The following CPNE5 variants were observed in gnomAD, a reference collection of about 807,000 sequenced individuals.
The protein encoded by CPNE5 is copine 5.
A neutral mutation model predicts 81.1 loss-of-function variants in CPNE5; 42 were observed. The ratio of observed to expected loss-of-function variants is 0.52; its 90% CI spans 0.40 to 0.67. The LOEUF (loss-of-function observed/expected upper bound fraction) is 0.67, where lower values mean the gene tolerates loss of function less well. CPNE5 is among the 30% of genes least tolerant of loss of function. CPNE5 has a pLI of 0.00. For synonymous variants in CPNE5, 313 were observed against 321.5 expected (o/e 0.97, Z 0.28); for missense variants, 612 against 815.5 (o/e 0.75, Z 3.04).
chr6:36,783,369 C>T (rs986690960), intron 8 of CPNE5, among the ~76,000 whole-genome samples: 2 of 94,920 alleles, frequency 2.1e-5, no homozygotes, highest in Admixed American at 2.9e-4. Flanking sequence ...CCTGAACTTG[C>T]AGTAAAAGTA....
At chr6:36,765,471 G>A (rs1371913550) in intron 10 of CPNE5, 95 bp from the exon 11 acceptor site, 1 of 1,444,082 alleles carries the variant, frequency 6.9e-7, no homozygotes, top group Admixed American at 1.8e-5. Context: ...AGATAGGGAG[G>A]CCAGGACTCC....
rs974054462 is a variant in CPNE5, at chr6:36,766,440, A to C, written c.738-1064T>G. 1.3e-5 allele frequency among the ~76,000 whole-genome samples: 2 copies of C among 152,234 alleles called. No homozygotes were observed. Among genetic ancestry groups the C allele is most frequent in the African/African-American group, 4.8e-5 (2 of 41,460 alleles). ...TGAAGGAATGCCCAGTAGGTTGTGC[A>C]CACACTGGATTTCTGTAAACCAGCA... is the stretch of plus-strand genomic sequence containing the variant. On this transcript the variant is annotated intron_variant, in intron 10 of 20. Coordinates refer to ENST00000244751, the MANE Select transcript of CPNE5 (RefSeq NM_020939.2). The surrounding 1 kb of genome is among the most constrained non-coding windows in gnomAD (Gnocchi z 4.2).
chr6:36,786,632 A>G (rs1429986703), intron 8 of CPNE5, among the ~76,000 whole-genome samples: 1 of 152,214 alleles, frequency 6.6e-6, no homozygotes, highest in East Asian at 1.9e-4. Context: ...TATTATTTAT[A>G]TTGTTTCCTA....
chr6:36,834,809 T>C (rs571156668), intron 1 of CPNE5, among the ~76,000 whole-genome samples: 154 of 152,270 alleles, frequency 1.0e-3, no homozygotes, highest in Non-Finnish European at 1.9e-3. Flanking sequence ...AATGGTTAAA[T>C]GGACTTCTTT....
rs553663575 is a variant in CPNE5, at chr6:36,773,927, G to A, written c.737+1034C>T. On this transcript the variant is annotated intron_variant, in intron 10 of 20. Transcript: ENST00000244751. Reference sequence around the variant, plus strand: ...CAAAAACACAAAAAATTAGCCGGGCGTGGTGGTGCATGGTTGTGGTACCAG... The same window carrying A: ...CAAAAACACAAAAAATTAGCCGGGCATGGTGGTGCATGGTTGTGGTACCAG... 3.9e-5 allele frequency among the ~76,000 whole-genome samples: 6 copies of A among 152,206 alleles called. No individual in the cohort carries two copies. In the East Asian group the frequency reaches 5.8e-4, roughly 15 times the overall value.
intron 15 of CPNE5, among the ~76,000 whole-genome samples, chr6:36,747,811 C>T (rs1764348316): frequency 6.6e-6 from 1 of 152,214 alleles, no homozygotes; most frequent in Non-Finnish European, 1.5e-5. Flanking sequence ...GACTGGGGTC[C>T]CTGGGCTGGA....
intron 12 of CPNE5, among the ~76,000 whole-genome samples, chr6:36,759,990 T>C (rs1037011760): frequency 6.6e-6 from 1 of 150,762 alleles, no homozygotes. Flanking sequence ...GTGCATCACC[T>C]GAGCTCAGGA....
At chr6:36,821,312 G>T (rs1282838314) in intron 3 of CPNE5, among the ~76,000 whole-genome samples, 1 of 152,244 alleles carries the variant, frequency 6.6e-6, no homozygotes, top group African/African-American at 2.4e-5. Flanking sequence ...GTCACAAGGT[G>T]GGGGGACTGG....
At chr6:36,742,959 G>A (rs148632146) in intron 20 of CPNE5, 10 of 985,354 alleles carry the variant, frequency 1.0e-5, no homozygotes, top group South Asian at 4.7e-5. Context: ...CTTCCCGGGG[G>A]TGCCCTCCAT....
chr6:36,827,223 G>A (rs914296004), intron 1 of CPNE5: 5 of 594,738 alleles, frequency 8.4e-6, no homozygotes, highest in African/African-American at 2.0e-5. Flanking sequence ...ATGTCCCTGC[G>A]CCCTACACCC....
chr6:36,779,024 G>A, intron 8 of CPNE5, 67 bp from the exon 9 acceptor site: 1 of 1,078,300 alleles, frequency 9.3e-7, no homozygotes, highest in Non-Finnish European at 1.4e-6. Context: ...CCAGACCCCG[G>A]CAAGCATGAG....
Position 36,822,161 on chromosome 6 carries a change from C to A in CPNE5, c.137-1G>T. Reference sequence around the variant, plus strand: ...ATCCCTTGGGTATACATGACGCACACTGCGGGGGGAGGAGAAACAGTGGAT... The same window carrying A: ...ATCCCTTGGGTATACATGACGCACAATGCGGGGGGAGGAGAAACAGTGGAT... On this transcript the variant is annotated splice_acceptor_variant, in intron 2 of 20. Coordinates refer to ENST00000244751, the MANE Select transcript of CPNE5 (RefSeq NM_020939.2). LOFTEE classifies it high-confidence loss of function. The A allele has an allele frequency of 6.6e-7, 1 of 1,509,630 alleles. No homozygotes were observed. The highest frequency in any genetic ancestry group is 8.9e-7 in the Non-Finnish European group (1 of 1,118,542). 93.5% of individuals were successfully genotyped at this position (1,509,630 alleles called of 1,614,324 possible). A position where few individuals can be genotyped will look rare whatever the true frequency, so the allele number is the denominator to read the frequency against.
intron 1 of CPNE5, among the ~76,000 whole-genome samples, chr6:36,824,169 C>T (rs997412725): frequency 2.0e-5 from 3 of 151,824 alleles, no homozygotes; most frequent in African/African-American, 4.9e-5. Context: ...TTCTCTCCTG[C>T]GGGCTTTCTC....
chr6:36,761,784 A>G (rs931744641), intron 12 of CPNE5, among the ~76,000 whole-genome samples: 1 of 152,212 alleles, frequency 6.6e-6, no homozygotes, highest in Admixed American at 6.5e-5. Context: ...GAGTCAGGAT[A>G]CGAACACAAG....
intron 8 of CPNE5, among the ~76,000 whole-genome samples, chr6:36,785,216 C>T (rs2150487628): frequency 6.6e-6 from 1 of 152,192 alleles, no homozygotes; most frequent in Middle Eastern, 3.4e-3. Flanking sequence ...TCTTAGACCT[C>T]CCTCCCCTGA....
chr6:36,754,395 G>A (rs1187859088), intron 13 of CPNE5: 1 of 152,196 alleles, frequency 6.6e-6, no homozygotes, highest in African/African-American at 2.4e-5. Flanking sequence ...CCCTAGACCA[G>A]AGCGTCAGCA....
chr6:36,839,833 C>G (rs1273886737), upstream of CPNE5: 1 of 140,688 alleles, frequency 7.1e-6, no homozygotes, highest in Non-Finnish European at 1.5e-5. This position sits in a 1 kb window ranked among gnomAD's most constrained non-coding sequence, Gnocchi z 7.3. Flanking sequence ...GCGCTGGCGG[C>G]GGGGGTGGCG....
intron 14 of CPNE5, among the ~76,000 whole-genome samples, chr6:36,748,715 T>C (rs1764472400): frequency 6.6e-6 from 1 of 152,154 alleles, no homozygotes; most frequent in Non-Finnish European, 1.5e-5. Flanking sequence ...ATACCACCCA[T>C]GAAGTTGTCT....
At chr6:36,794,441 C>G (rs929659132) in intron 7 of CPNE5, 149 bp downstream of exon 7, 14 of 690,252 alleles carry the variant, frequency 2.0e-5, no homozygotes, top group Non-Finnish European at 2.5e-5. Flanking sequence ...AGCCTGGGTG[C>G]CTAAGGAGGA....
Sources: gnomAD v4.1 joint callset for allele counts (sites outside exome capture counted in the v4.1 genomes callset) on GRCh38, gnomAD v4.1.1 for gene constraint, Gnocchi (gnomAD v3.1) non-coding constraint, MANE v1.5 for transcripts, NCBI Gene and HGNC (gene_info 2026-07-23, HGNC 2026-07-21) for gene names.